Variants in C5orf15 observed in about 807,000 individuals in gnomAD.
C5orf15 encodes chromosome 5 open reading frame 15, also known as keratinocyte-associated transmembrane protein 2.
Under a neutral mutation model 17.8 loss-of-function variants are expected in C5orf15, and 10 were observed. The ratio of observed to expected loss-of-function variants is 0.56; its 90% confidence interval spans 0.35 to 0.95. C5orf15 has a LOEUF of 0.95. C5orf15 is among the 40% of genes least tolerant of loss of function. C5orf15 has a pLI of 0.02. For synonymous variants in C5orf15, 124 were observed against 131.0 expected (o/e 0.95, Z 0.36); for missense variants, 319 against 331.7 (o/e 0.96, Z 0.30).
intron 1 of C5orf15, among the ~76,000 whole-genome samples, chr5:133,965,326 TACCTAGC>T (rs1752177218): frequency 1.3e-5 from 2 of 152,120 alleles, no homozygotes; most frequent in African/African-American, 4.8e-5. Flanking sequence ...TTAACTCCAA[TACCTAGC>T]ACCAAGTAGG....
intron 1 of C5orf15, among the ~76,000 whole-genome samples, chr5:133,963,033 T>C (rs542112667): frequency 2.0e-5 from 3 of 152,334 alleles, no homozygotes; most frequent in African/African-American, 7.2e-5. Context: ...TACTCACATC[T>C]GCACCCAGCA....
chr5:133,959,071 A>G (rs1236820308), intron 2 of C5orf15, among the ~76,000 whole-genome samples: 1 of 152,164 alleles, frequency 6.6e-6, no homozygotes, highest in Non-Finnish European at 1.5e-5. Flanking sequence ...CTTCACTGAA[A>G]AAAAGGAAAG....
At chr5:133,957,067 T>G in intron 2 of C5orf15, 77 bp from the exon 3 acceptor site, 1 of 1,233,162 alleles carries the variant, frequency 8.1e-7, no homozygotes, top group Non-Finnish European at 1.2e-6. Flanking sequence ...AAGTAAAATA[T>G]CTCTCTTCTA....
intron 1 of C5orf15, 80 bp from the exon 2 acceptor site, chr5:133,960,100 CA>C: frequency 8.1e-7 from 1 of 1,240,292 alleles, no homozygotes; most frequent in South Asian, 1.5e-5. Flanking sequence ...CCAAATTTTA[CA>C]CTAAGCATTT....
rs1314419930 is a variant in C5orf15, at chr5:133,956,028, A to T, written c.*831T>A. 6.6e-6 allele frequency: 1 copy of T among 152,520 alleles called. No homozygotes were observed. The highest frequency in any genetic ancestry group is 3.2e-3 in the Middle Eastern group (1 of 316). The allele number at this position is 152,520 out of a possible 1,614,324, so 9.4% of individuals were successfully genotyped here. A position where few individuals can be genotyped will look rare whatever the true frequency, so the allele number is the denominator to read the frequency against. Reference sequence around the variant, plus strand: ...ATTATTTAAGTGATAATGACCCCTAAGATTTATTCAAATTTACTGTAAAAT... The same window carrying T: ...ATTATTTAAGTGATAATGACCCCTATGATTTATTCAAATTTACTGTAAAAT... On this transcript the variant is annotated 3_prime_UTR_variant, in exon 3 of 3. Transcript: ENST00000231512.
intron 1 of C5orf15, among the ~76,000 whole-genome samples, chr5:133,960,498 A>G (rs1752108453): frequency 6.6e-6 from 1 of 152,190 alleles, no homozygotes; most frequent in Non-Finnish European, 1.5e-5. Flanking sequence ...TCAACACAAC[A>G]TAACAAATTC....
intron 1 of C5orf15, 52 bp downstream of exon 1, chr5:133,968,394 T>G: frequency 6.3e-7 from 1 of 1,578,806 alleles, no homozygotes; most frequent in South Asian, 1.2e-5. Context: ...TCTCCTGCCC[T>G]GCGCCCGAGC....
intron 1 of C5orf15, among the ~76,000 whole-genome samples, chr5:133,963,803 C>G (rs1381225859): frequency 6.6e-6 from 1 of 152,102 alleles, no homozygotes; most frequent in Non-Finnish European, 1.5e-5. Context: ...GGCTGGAGTG[C>G]TGCACAAACA....
chr5:133,964,199 A>G (rs772677162), intron 1 of C5orf15, among the ~76,000 whole-genome samples: 7 of 152,222 alleles, frequency 4.6e-5, no homozygotes, highest in Non-Finnish European at 8.8e-5. Context: ...CCTGGAGTGC[A>G]AGACTTACTC....
chr5:133,959,788 T>C lies in C5orf15; in HGVS notation c.372A>G (p.Ile124Met). 1 of 1,614,136 alleles carries C rather than the reference T, an allele frequency of 6.2e-7. No individual in the cohort carries two copies. The highest frequency in any genetic ancestry group is 8.5e-7 in the Non-Finnish European group (1 of 1,179,990). Residue 124 changes from isoleucine (I) to methionine (M), a missense_variant, in exon 2 of 3, where the codon ATA (isoleucine) becomes ATG (methionine). By Grantham distance (10) the Ile-to-Met change is conservative (BLOSUM62 1). Transcript: ENST00000231512. ...EEADNNEDPS[I>M]EEEDLLMLNS... Reference sequence around the variant, plus strand: ...TCAGCATGAGAAGATCCTCCTCCTCTATACTAGGATCTTCATTGTTATCAG... The same window carrying C: ...TCAGCATGAGAAGATCCTCCTCCTCCATACTAGGATCTTCATTGTTATCAG...
At chr5:133,964,748 G>C (rs1395988297) in intron 1 of C5orf15, among the ~76,000 whole-genome samples, 1 of 152,022 alleles carries the variant, frequency 6.6e-6, no homozygotes, top group Non-Finnish European at 1.5e-5. Flanking sequence ...AAAAACCTTG[G>C]AGTTGTCATT....
chr5:133,958,310 C>T (rs1752065894), intron 2 of C5orf15, among the ~76,000 whole-genome samples: 1 of 152,078 alleles, frequency 6.6e-6, no homozygotes. Context: ...GGTGCAGTGG[C>T]TCATGCCTGT....
intron 1 of C5orf15, among the ~76,000 whole-genome samples, chr5:133,963,802 G>A (rs1245414849): frequency 6.6e-6 from 1 of 152,132 alleles, no homozygotes; most frequent in Non-Finnish European, 1.5e-5. Context: ...AGGCTGGAGT[G>A]CTGCACAAAC....
Position 133,968,445 on chromosome 5 carries a change from C to T in C5orf15, c.139+1G>A. 1 of 1,604,342 alleles carries T rather than the reference C, an allele frequency of 6.2e-7. No individual in the cohort carries two copies. The highest frequency in any genetic ancestry group is 8.5e-7 in the Non-Finnish European group (1 of 1,175,928). ...AAGCCCACACTGCCGCCCCCCTTTA[C>T]CACTGGATAGAGCGGCGGACACAAG... On this transcript the variant is annotated splice_donor_variant, in intron 1 of 2. Transcript: ENST00000231512. LOFTEE classifies it high-confidence loss of function.
At position 133,959,919 on chromosome 5, in the gene C5orf15, T is replaced by C. The variant is rs201230410; in HGVS notation, c.241A>G (p.Ile81Val). Residue 81 changes from isoleucine to valine, a missense_variant, in exon 2 of 3, where the codon ATT becomes GTT. Around this residue, in one of 3 missense-constraint regions of C5orf15, gnomAD observed 17 missense variants for 43.6 expected, o/e 0.39. Transcript: ENST00000231512. ...GGGAGGGTGGTGCTGATTTGGGAAA[T>C]AGAAGGTTTGGTTTGGTTTTCATGT... ...LTHENQTKPS[I>V]SQISTTLPPT... 23 of 1,614,002 alleles carry C rather than the reference T, an allele frequency of 1.4e-5. No individual in the cohort carries two copies. In the African/African-American group the frequency reaches 1.9e-4, roughly 13 times the overall value.
chr5:133,967,419 A>G (rs996956213), intron 1 of C5orf15: 1 of 152,272 alleles, frequency 6.6e-6, no homozygotes, highest in African/African-American at 2.4e-5. Context: ...TTTGCAGCTG[A>G]AAATTCAAAT....
intron 1 of C5orf15, among the ~76,000 whole-genome samples, chr5:133,967,730 C>G (rs1333739748): frequency 1.3e-5 from 2 of 152,190 alleles, no homozygotes; most frequent in Non-Finnish European, 2.9e-5. Flanking sequence ...TGTCTCCAAA[C>G]TCCTCTCTGC....
intron 1 of C5orf15, among the ~76,000 whole-genome samples, chr5:133,960,639 G>A (rs1752110414): frequency 6.6e-6 from 1 of 152,146 alleles, no homozygotes; most frequent in Non-Finnish European, 1.5e-5. Context: ...AGAAGCATCC[G>A]AAACGGGAAC....
chr5:133,965,168 CTCGAT>C (rs1752175354), intron 1 of C5orf15, among the ~76,000 whole-genome samples: 1 of 152,142 alleles, frequency 6.6e-6, no homozygotes, highest in Admixed American at 6.5e-5. Flanking sequence ...TGAATATGCT[CTCGAT>C]TCAACTCTCA....
Sources: allele counts gnomAD v4.1 joint callset (sites outside exome capture counted in the v4.1 genomes callset), GRCh38; gene constraint gnomAD v4.1.1; regional missense constraint gnomAD v4.1.1; transcripts MANE v1.5; gene names NCBI Gene and HGNC (gene_info 2026-07-23, HGNC 2026-07-21).